PDE3A: variants seen among roughly 807,000 people sequenced by gnomAD.
PDE3A encodes the protein phosphodiesterase 3A, also known as cGMP-inhibited 3',5'-cyclic phosphodiesterase 3A.
Under a neutral mutation model 98.3 loss-of-function variants are expected in PDE3A, and 43 were observed. That is an observed-to-expected ratio of 0.44 (90% confidence interval 0.34 to 0.56). The LOEUF (loss-of-function observed/expected upper bound fraction) is 0.56. PDE3A is among the 20% of genes least tolerant of loss of function. PDE3A has a pLI of 0.01. For missense variants in PDE3A, 1,427 were observed against 1,440.7 expected (o/e 0.99, Z 0.15); for synonymous variants, 663 against 567.9 (o/e 1.17, Z -2.38).
At chr12:20,420,973 G>A (rs1304634527) in intron 1 of PDE3A, among the ~76,000 whole-genome samples, 2 of 152,106 alleles carry the variant, frequency 1.3e-5, no homozygotes, top group African/African-American at 4.8e-5. Context: ...GTCCCATTTG[G>A]CAGAACAGGA....
At chr12:20,648,554 T>C in intron 12 of PDE3A, 134 bp from the exon 13 acceptor site, 1 of 646,370 alleles carries the variant, frequency 1.5e-6, no homozygotes, top group South Asian at 1.8e-5. Context: ...AAGTGATTCT[T>C]AATAAGCAGG....
chr12:20,555,512 T>C (rs927446654), intron 1 of PDE3A, among the ~76,000 whole-genome samples: 1 of 152,210 alleles, frequency 6.6e-6, no homozygotes, highest in Non-Finnish European at 1.5e-5. Context: ...CATCATGAGG[T>C]ATAGTTCTCA....
intron 1 of PDE3A, among the ~76,000 whole-genome samples, chr12:20,467,346 A>C (rs905741244): frequency 1.3e-5 from 2 of 151,728 alleles, no homozygotes; most frequent in Non-Finnish European, 2.9e-5. Context: ...TTATTTCTGA[A>C]ATGATTTATA....
chr12:20,480,704 C>T (rs1366221559), intron 1 of PDE3A, among the ~76,000 whole-genome samples: 1 of 152,046 alleles, frequency 6.6e-6, no homozygotes, highest in Admixed American at 6.6e-5. Context: ...TAATGATTTG[C>T]CTAGAAGTGA....
chr12:20,646,077 G>A (rs1302012944), intron 10 of PDE3A, among the ~76,000 whole-genome samples: 1 of 152,136 alleles, frequency 6.6e-6, no homozygotes, highest in Non-Finnish European at 1.5e-5. Flanking sequence ...ATCTATCAGA[G>A]ATGAAATATT....
chr12:20,438,797 T>C (rs1038754251), intron 1 of PDE3A, among the ~76,000 whole-genome samples: 1 of 151,702 alleles, frequency 6.6e-6, no homozygotes, highest in Non-Finnish European at 1.5e-5. Context: ...TCTTGCTTTG[T>C]CTCCCAGGCT....
chr12:20,418,739 A>G (rs971933089), intron 1 of PDE3A, among the ~76,000 whole-genome samples: 1 of 151,946 alleles, frequency 6.6e-6, no homozygotes, highest in Admixed American at 6.6e-5. Flanking sequence ...AATGGTTACT[A>G]TATTGTGTTA....
chr12:20,594,100 C>T (rs1444564345), intron 2 of PDE3A, among the ~76,000 whole-genome samples: 2 of 152,102 alleles, frequency 1.3e-5, no homozygotes, highest in African/African-American at 4.8e-5. Flanking sequence ...GAGAGCAGAA[C>T]TCTCTTTAAG....
chr12:20,441,887 T>C (rs1304947799), intron 1 of PDE3A, among the ~76,000 whole-genome samples: 1 of 152,150 alleles, frequency 6.6e-6, no homozygotes, highest in Non-Finnish European at 1.5e-5. Flanking sequence ...ACAGCATGCA[T>C]TTCTTGTTTC....
Position 20,370,405 on chromosome 12 carries a change from T to G in PDE3A, c.960+161T>G, listed in dbSNP as rs1291874134. ...AACTAGCAGGTTTTTTTTTTGTTTT[T>G]TTTGTTTTTTTTTTTTTGTTTTTTT... On this transcript the variant is annotated intron_variant, in intron 1 of 15. Coordinates refer to ENST00000359062, the MANE Select transcript of PDE3A (RefSeq NM_000921.5). 1.3e-5 allele frequency: 6 copies of G among 475,188 alleles called. No individual in the cohort carries two copies. The East Asian group carries it at 1.3e-4, about 11-fold the overall frequency. The allele number at this position is 475,188 out of a possible 1,614,324, so 29.4% of individuals were successfully genotyped here.
intron 1 of PDE3A, among the ~76,000 whole-genome samples, chr12:20,494,891 A>G (rs1945892482): frequency 6.6e-6 from 1 of 151,534 alleles, no homozygotes; most frequent in South Asian, 2.1e-4. Flanking sequence ...AAAAAAATAC[A>G]TAAATAGAAG....
At chr12:20,517,437 G>T (rs572329896) in intron 1 of PDE3A, among the ~76,000 whole-genome samples, 163 of 152,274 alleles carry the variant, frequency 1.1e-3, no homozygotes, top group African/African-American at 3.8e-3. Context: ...TTATAAAAAT[G>T]TTGTGTGATT....
intron 6 of PDE3A, among the ~76,000 whole-genome samples, chr12:20,631,701 T>G (rs1335848841): frequency 2.6e-3 from 2 of 780 alleles, no homozygotes; most frequent in Non-Finnish European, 0.021. Flanking sequence ...TCATAGTGTA[T>G]TTTTTTTTTT....
At chr12:20,574,414 T>C (rs1942878286) in intron 2 of PDE3A, among the ~76,000 whole-genome samples, 1 of 152,138 alleles carries the variant, frequency 6.6e-6, no homozygotes. Flanking sequence ...CCACTGAATG[T>C]ATACGTGACC....
At chr12:20,610,870 T>A (rs1943830844) in intron 2 of PDE3A, among the ~76,000 whole-genome samples, 1 of 151,830 alleles carries the variant, frequency 6.6e-6, no homozygotes, top group South Asian at 2.1e-4. Flanking sequence ...AATAAAACAG[T>A]CGTTACCCTG....
chr12:20,633,284 C>T (rs7953367), intron 6 of PDE3A, among the ~76,000 whole-genome samples: 1 of 151,980 alleles, frequency 6.6e-6, no homozygotes, highest in African/African-American at 2.4e-5. Context: ...GCTTTTAAGC[C>T]GACAGAAAGG....
At chr12:20,672,519 G>A (rs1023237158) in intron 15 of PDE3A, among the ~76,000 whole-genome samples, 2 of 151,868 alleles carry the variant, frequency 1.3e-5, no homozygotes, top group Non-Finnish European at 2.9e-5. Flanking sequence ...GAATGGAACA[G>A]AACAGAGCCC....
intron 1 of PDE3A, among the ~76,000 whole-genome samples, chr12:20,535,820 AATT>A (rs1185989421): frequency 6.6e-6 from 1 of 152,124 alleles, no homozygotes; most frequent in Non-Finnish European, 1.5e-5. Flanking sequence ...TTATTTGGAG[AATT>A]ATTCGATTAA....
chr12:20,673,784 C>A (rs1945556908), intron 15 of PDE3A, among the ~76,000 whole-genome samples: 1 of 149,782 alleles, frequency 6.7e-6, no homozygotes, highest in Non-Finnish European at 1.5e-5. Context: ...ACCAGCATGG[C>A]ACATGTATAC....
Sources: allele counts gnomAD v4.1 joint callset (sites outside exome capture counted in the v4.1 genomes callset), GRCh38; gene constraint gnomAD v4.1.1; transcripts MANE v1.5; gene names NCBI Gene and HGNC (gene_info 2026-07-23, HGNC 2026-07-21).